ARHGAP24: variants seen among roughly 807,000 people sequenced by gnomAD.
ARHGAP24 encodes Rho GTPase activating protein 24.
In ARHGAP24, 50 loss-of-function variants were observed where a neutral mutation model predicts 76.4. The ratio of observed to expected loss-of-function variants is 0.65; its 90% CI spans 0.52 to 0.83. The LOEUF is 0.83. Ranked by LOEUF, ARHGAP24 falls within the 40% of genes least tolerant of loss-of-function variation. The pLI is 0.00. For synonymous variants in ARHGAP24, 345 were observed against 323.3 expected, an observed-to-expected ratio of 1.07 and a Z score of -0.72; for missense variants, 930 against 914.2, an observed-to-expected ratio of 1.02 and a Z score of -0.22.
intron 1 of ARHGAP24, among the ~76,000 whole-genome samples, chr4:85,558,434 T>C (rs1726473714): frequency 6.6e-6 from 1 of 152,220 alleles, no homozygotes; most frequent in African/African-American, 2.4e-5. Flanking sequence ...AATAATCAGA[T>C]ATTTTGAAGT....
intron 4 of ARHGAP24, among the ~76,000 whole-genome samples, chr4:85,925,902 C>G (rs189924707): frequency 7.9e-5 from 12 of 152,220 alleles, no homozygotes; most frequent in Admixed American, 4.6e-4. Context: ...AGACACTCTT[C>G]TCCCCTTTAT....
chr4:85,999,409 G>A (rs1293325541), intron 9 of ARHGAP24, among the ~76,000 whole-genome samples: 1 of 152,154 alleles, frequency 6.6e-6, no homozygotes, highest in Non-Finnish European at 1.5e-5. Context: ...ATTTTTAAGT[G>A]TTCTTATTAT....
rs925531181 is a variant in ARHGAP24 at position 86,002,298 on chromosome 4, C to T, written c.*1576C>T. ...ATTTTTTACTCTCCCACTGAGCAAG[C>T]GTCTGTGGTCCTATGGTATCAACCA... On this transcript the variant is annotated 3_prime_UTR_variant, in exon 10 of 10. Coordinates refer to ENST00000395184, the MANE Select transcript of ARHGAP24 (RefSeq NM_001025616.3). 1.3e-5 allele frequency: 2 copies of T among 152,200 alleles called. No individual in the cohort carries two copies. Among genetic ancestry groups the T allele is most frequent in the Non-Finnish European group, 2.9e-5 (2 of 68,036 alleles). The allele number at this position is 152,200 out of a possible 1,614,324, so 9.4% of individuals were successfully genotyped here. A position where few individuals can be genotyped will look rare whatever the true frequency, so the allele number is the denominator to read the frequency against.
intron 8 of ARHGAP24, among the ~76,000 whole-genome samples, chr4:85,981,935 C>G (rs1739693144): frequency 6.6e-6 from 1 of 152,078 alleles, no homozygotes; most frequent in Non-Finnish European, 1.5e-5. Context: ...TATTCTATTT[C>G]CAGGACCATC....
At chr4:85,751,916 C>T (rs977192942) in intron 3 of ARHGAP24, among the ~76,000 whole-genome samples, 1 of 152,206 alleles carries the variant, frequency 6.6e-6, no homozygotes, top group African/African-American at 2.4e-5. Flanking sequence ...ATACATGAGA[C>T]AATGCCTATG....
chr4:85,725,527 G>A (rs906036268), intron 3 of ARHGAP24, among the ~76,000 whole-genome samples: 2 of 152,174 alleles, frequency 1.3e-5, no homozygotes, highest in African/African-American at 2.4e-5. Context: ...ACCAAGAGAC[G>A]GATGGAAGAA....
intron 1 of ARHGAP24, among the ~76,000 whole-genome samples, chr4:85,558,104 C>T (rs113349686): frequency 1.4e-3 from 207 of 152,248 alleles, no homozygotes; most frequent in African/African-American, 4.6e-3. Flanking sequence ...CTACTTGGCA[C>T]TGTCTGAGTC....
intron 3 of ARHGAP24, among the ~76,000 whole-genome samples, chr4:85,757,162 G>T (rs577141171): frequency 7.3e-5 from 11 of 151,144 alleles, no homozygotes; most frequent in Admixed American, 5.3e-4. Context: ...GAACACTGGG[G>T]GATATACCAG....
chr4:85,965,613 C>T (rs1265314106), intron 5 of ARHGAP24, among the ~76,000 whole-genome samples: 1 of 152,028 alleles, frequency 6.6e-6, no homozygotes, highest in Non-Finnish European at 1.5e-5. Flanking sequence ...GAATTTTCCA[C>T]TCCAAATACA....
At chr4:85,781,529 C>A (rs1484890372) in intron 3 of ARHGAP24, among the ~76,000 whole-genome samples, 1 of 151,762 alleles carries the variant, frequency 6.6e-6, no homozygotes, top group African/African-American at 2.4e-5. Flanking sequence ...TTTGGAATCA[C>A]ATTGTGAAGA....
At chr4:85,594,659 TA>T (rs1728245540) in intron 2 of ARHGAP24, among the ~76,000 whole-genome samples, 1 of 152,030 alleles carries the variant, frequency 6.6e-6, no homozygotes, top group African/African-American at 2.4e-5. Flanking sequence ...AATCAAGGAA[TA>T]AAAACACTAA....
At chr4:85,926,476 A>G (rs1362216297) in intron 4 of ARHGAP24, among the ~76,000 whole-genome samples, 2 of 152,170 alleles carry the variant, frequency 1.3e-5, no homozygotes, top group Non-Finnish European at 2.9e-5. Flanking sequence ...ACAAAACAAA[A>G]TAGAATGTTA....
In ARHGAP24 at chr4:85,683,107, TGTGGGGGGGTG is replaced by T. The variant is rs1313553531; in HGVS notation, c.181-38776_181-38766del. 2.3e-4 allele frequency among the ~76,000 whole-genome samples: 3 copies of T among 12,846 alleles called. No individual in the cohort carries two copies. In the Admixed American group the frequency reaches 2.8e-3, roughly 12 times the overall value. The allele number at this position is 12,846 out of a possible 152,430, so 8.4% of individuals were successfully genotyped here. On this transcript the variant is annotated intron_variant, in intron 2 of 9. Coordinates refer to ENST00000395184, the MANE Select transcript of ARHGAP24 (RefSeq NM_001025616.3). ...CCATCAACTCTTAACTCTCTCAGTGTGTGGGGGGGTGGGGGGGGGGTGCGGGGGCTGTAAAA... is the reference window on the plus strand; with the variant it reads ...CCATCAACTCTTAACTCTCTCAGTGTGGGGGGGGGTGCGGGGGCTGTAAAA...
At position 85,893,898 on chromosome 4, in the gene ARHGAP24, A is replaced by G. The variant is rs931513594; in HGVS notation, c.269-29750A>G. On this transcript the variant is annotated intron_variant, in intron 3 of 9. Transcript: ENST00000395184. ...CTCACTCATAGGTGGGAATTGAACA[A>G]TGAGATCACATGGACACAGGAAGGG... Among the ~76,000 whole-genome samples the G allele has an allele frequency of 2.4e-5, 3 of 127,448 alleles. No homozygotes were observed. In the Admixed American group the frequency reaches 2.7e-4, roughly 12 times the overall value. 83.6% of individuals were successfully genotyped at this position (127,448 alleles called of 152,430 possible).
At chr4:86,000,370 TAAAG>T (rs1409787585) in intron 9 of ARHGAP24, 105 bp from the exon 10 acceptor site, 1 of 885,170 alleles carries the variant, frequency 1.1e-6, no homozygotes, top group Non-Finnish European at 1.8e-6. Context: ...CTAAGCATCA[TAAAG>T]AGTTTAGAAA....
At chr4:85,571,729 T>C (rs1008299929) in intron 2 of ARHGAP24, among the ~76,000 whole-genome samples, 2 of 152,198 alleles carry the variant, frequency 1.3e-5, no homozygotes, top group Non-Finnish European at 2.9e-5. Flanking sequence ...TACTACTTTT[T>C]AGGCATTTAC....
chr4:85,656,080 A>G (rs987948375), intron 2 of ARHGAP24, among the ~76,000 whole-genome samples: 1 of 152,138 alleles, frequency 6.6e-6, no homozygotes, highest in African/African-American at 2.4e-5. Flanking sequence ...TGCAACTTGC[A>G]TGGCCACTTA....
At chr4:85,639,444 A>G (rs1018290761) in intron 2 of ARHGAP24, among the ~76,000 whole-genome samples, 2 of 152,154 alleles carry the variant, frequency 1.3e-5, no homozygotes, top group Admixed American at 1.3e-4. Context: ...CAAAGAAAAG[A>G]AGAATAGGAT....
intron 3 of ARHGAP24, among the ~76,000 whole-genome samples, chr4:85,800,692 G>C (rs931777017): frequency 6.6e-6 from 1 of 152,166 alleles, no homozygotes; most frequent in Non-Finnish European, 1.5e-5. Context: ...TCAAAAGGCT[G>C]GAACAATTTC....
Sources: gnomAD v4.1 joint callset for allele counts (sites outside exome capture counted in the v4.1 genomes callset) on GRCh38, gnomAD v4.1.1 for gene constraint, MANE v1.5 for transcripts, NCBI Gene and HGNC (gene_info 2026-07-23, HGNC 2026-07-21) for gene names.